The following PDE8B variants were observed in gnomAD, a reference collection of about 807,000 sequenced individuals.
PDE8B encodes phosphodiesterase 8B.
Under a neutral mutation model 101.3 loss-of-function variants are expected in PDE8B, and 26 were observed. That is an observed-to-expected ratio of 0.26 (90% CI 0.19 to 0.36). PDE8B has a LOEUF of 0.36. Among genes scored for constraint, PDE8B ranks in the 10% least tolerant of loss-of-function variants. The pLI is 1.00. For synonymous variants in PDE8B, 424 were observed against 429.3 expected (o/e 0.99, Z 0.15); for missense variants, 810 against 1,163.1 (o/e 0.70, Z 4.42).
the PDE8B span, chr5:77,139,511 G>A: frequency 6.6e-6 from 1 of 152,232 alleles, no homozygotes; most frequent in Non-Finnish European, 1.5e-5. Flanking sequence ...TCAAATCTGA[G>A]AAAATTCTCG....
At chr5:77,376,579 T>C (rs1268079164) in intron 10 of PDE8B, among the ~76,000 whole-genome samples, 1 of 152,182 alleles carries the variant, frequency 6.6e-6, no homozygotes, top group African/African-American at 2.4e-5. Context: ...TTGAGTTGAA[T>C]TAGAAGTTGA....
the PDE8B span, among the ~76,000 whole-genome samples, chr5:77,167,326 G>A: frequency 0.61 from 93,556 of 152,158 alleles, 29,321 homozygotes; most frequent in East Asian, 0.93. Context: ...GACCATGTCT[G>A]TTTTTGGCTT....
At chr5:77,368,145 A>G (rs758339065) in intron 10 of PDE8B, among the ~76,000 whole-genome samples, 1 of 152,156 alleles carries the variant, frequency 6.6e-6, no homozygotes, top group African/African-American at 2.4e-5. Flanking sequence ...TGGTCTTTCA[A>G]ATCCATCTCT....
chr5:77,356,411 T>G (rs1180124380), intron 10 of PDE8B, among the ~76,000 whole-genome samples: 16 of 152,144 alleles, frequency 1.1e-4, no homozygotes, highest in Admixed American at 1.0e-3. Context: ...CCTGACATTA[T>G]ATCTGCTCTT....
intron 1 of PDE8B, chr5:77,290,213 G>A (rs1766966015): frequency 1.3e-6 from 2 of 1,540,760 alleles, no homozygotes; most frequent in East Asian, 4.9e-5. Flanking sequence ...CACTGTGTGT[G>A]CACGCTGCAA....
At chr5:77,284,338 CTT>C (rs1256143650) in intron 1 of PDE8B, among the ~76,000 whole-genome samples, 1 of 152,168 alleles carries the variant, frequency 6.6e-6, no homozygotes, top group Non-Finnish European at 1.5e-5. Context: ...TTAAGTCTAA[CTT>C]ATCAATTACT....
At chr5:77,173,841 C>T in the PDE8B span, among the ~76,000 whole-genome samples, 40 of 152,096 alleles carry the variant, frequency 2.6e-4, no homozygotes, top group Non-Finnish European at 4.7e-4. Context: ...GCGTGGCATG[C>T]GTTTTATTTT....
intron 1 of PDE8B, among the ~76,000 whole-genome samples, chr5:77,292,753 A>G (rs139082674): frequency 5.3e-5 from 8 of 151,996 alleles, no homozygotes; most frequent in Non-Finnish European, 1.2e-4. Context: ...GATTCAAAAA[A>G]CTCTAATAAG....
chr5:77,303,242 A>G (rs994919841), intron 1 of PDE8B, among the ~76,000 whole-genome samples: 1 of 152,100 alleles, frequency 6.6e-6, no homozygotes, highest in Non-Finnish European at 1.5e-5. Context: ...TTTACTGCTT[A>G]AAAAAATAGG....
At chr5:77,379,986 C>T (rs919621350) in intron 10 of PDE8B, among the ~76,000 whole-genome samples, 8 of 152,110 alleles carry the variant, frequency 5.3e-5, no homozygotes, top group East Asian at 1.9e-4. Flanking sequence ...TCAGTTCTGT[C>T]GTGAAGTTGC....
At chr5:77,300,498 C>T (rs1054250258) in intron 1 of PDE8B, among the ~76,000 whole-genome samples, 1 of 152,184 alleles carries the variant, frequency 6.6e-6, no homozygotes, top group African/African-American at 2.4e-5. Flanking sequence ...GCTTAGTCAC[C>T]TGCCTGTAAA....
intron 1 of PDE8B, among the ~76,000 whole-genome samples, chr5:77,255,291 A>G (rs1315255987): frequency 6.6e-6 from 1 of 152,060 alleles, no homozygotes; most frequent in African/African-American, 2.4e-5. Context: ...CTATGCATTA[A>G]TTGAAGTTTA....
At chr5:77,120,254 G>A in the PDE8B span, among the ~76,000 whole-genome samples, 1 of 152,212 alleles carries the variant, frequency 6.6e-6, no homozygotes, top group Non-Finnish European at 1.5e-5. Context: ...ATAGTGATCT[G>A]TGCAGATGTG....
chr5:77,365,760 C>G (rs1354885113), intron 10 of PDE8B, among the ~76,000 whole-genome samples: 1 of 152,224 alleles, frequency 6.6e-6, no homozygotes, highest in Non-Finnish European at 1.5e-5. Flanking sequence ...CAAAGCTGCT[C>G]TCCTCTCTGG....
intron 1 of PDE8B, among the ~76,000 whole-genome samples, chr5:77,260,579 CTCA>C (rs1760335026): frequency 7.1e-6 from 1 of 140,178 alleles, no homozygotes; most frequent in African/African-American, 2.8e-5. Flanking sequence ...TTCACTGTGG[CTCA>C]TTTTTTTTTT....
intron 1 of PDE8B, among the ~76,000 whole-genome samples, chr5:77,226,168 G>A (rs570517353): frequency 6.8e-6 from 1 of 147,640 alleles, no homozygotes; most frequent in Admixed American, 6.7e-5. Context: ...TTATAAGAAT[G>A]TAAATTATTT....
At chr5:77,219,113 G>A (rs1349733945) in intron 1 of PDE8B, among the ~76,000 whole-genome samples, 1 of 152,198 alleles carries the variant, frequency 6.6e-6, no homozygotes, top group African/African-American at 2.4e-5. Flanking sequence ...AGAATTTACA[G>A]GTCAAGGCCT....
chr5:77,408,534 A>G (rs779009559), intron 13 of PDE8B, among the ~76,000 whole-genome samples: 4 of 152,222 alleles, frequency 2.6e-5, no homozygotes, highest in Non-Finnish European at 5.9e-5. Context: ...AGGTATATCG[A>G]AAGTCCCTAG....
intron 13 of PDE8B, among the ~76,000 whole-genome samples, chr5:77,408,217 G>A (rs1261091301): frequency 6.6e-6 from 1 of 152,176 alleles, no homozygotes; most frequent in Non-Finnish European, 1.5e-5. Flanking sequence ...ATATTGCCAG[G>A]GTAGGGAGAG....
Sources: allele counts gnomAD v4.1 joint callset (sites outside exome capture counted in the v4.1 genomes callset), GRCh38; gene constraint gnomAD v4.1.1; transcripts MANE v1.5; gene names NCBI Gene and HGNC (gene_info 2026-07-23, HGNC 2026-07-21).